The following PTPRK variants were observed in gnomAD, a reference collection of about 807,000 sequenced individuals.
PTPRK encodes protein tyrosine phosphatase receptor type K.
In PTPRK, 75 loss-of-function variants were observed where a neutral mutation model predicts 178.0. The ratio of observed to expected loss-of-function variants is 0.42; its 90% CI spans 0.35 to 0.51. The LOEUF is 0.51. Among genes scored for constraint, PTPRK ranks in the 20% least tolerant of loss-of-function variants. The pLI is 0.02. For synonymous variants in PTPRK, 637 were observed against 620.6 expected (o/e 1.03, Z -0.39); for missense variants, 1,441 against 1,797.8 (o/e 0.80, Z 3.59).
chr6:128,286,815 T>A (rs1822581085), intron 3 of PTPRK, among the ~76,000 whole-genome samples: 2 of 152,218 alleles, frequency 1.3e-5, no homozygotes. Flanking sequence ...TTTGTTAGTG[T>A]AGCCTTCAGA....
At chr6:128,085,364 G>T (rs1190855521) in intron 8 of PTPRK, 1 of 152,236 alleles carries the variant, frequency 6.6e-6, no homozygotes, top group Non-Finnish European at 1.5e-5. Flanking sequence ...GGTTTGTCTT[G>T]CAAGAGTACC....
chr6:128,393,089 CTTTTTTTT>C (rs755172831), intron 2 of PTPRK, among the ~76,000 whole-genome samples: 4 of 124,898 alleles, frequency 3.2e-5, no homozygotes, highest in South Asian at 2.6e-4. Context: ...TTCATAAGGA[CTTTTTTTT>C]TTTTTTTTTT....
chr6:128,101,675 C>T (rs1265490552), intron 7 of PTPRK, among the ~76,000 whole-genome samples: 1 of 152,074 alleles, frequency 6.6e-6, no homozygotes, highest in African/African-American at 2.4e-5. Context: ...GAACAAAATA[C>T]AGTAAAATGC....
chr6:128,196,634 G>T (rs1032260651), intron 6 of PTPRK, among the ~76,000 whole-genome samples: 1 of 152,082 alleles, frequency 6.6e-6, no homozygotes, highest in African/African-American at 2.4e-5. Context: ...CACAGCAAGA[G>T]AAATTTCCAG....
At chr6:128,131,734 ATCTC>A (rs967987128) in intron 7 of PTPRK, among the ~76,000 whole-genome samples, 11 of 152,290 alleles carry the variant, frequency 7.2e-5, no homozygotes, top group African/African-American at 2.6e-4. Flanking sequence ...CCAAACCACC[ATCTC>A]TCTGTTTATA....
intron 1 of PTPRK, among the ~76,000 whole-genome samples, chr6:128,492,384 A>G (rs895052104): frequency 1.3e-5 from 2 of 152,188 alleles, no homozygotes; most frequent in African/African-American, 4.8e-5. Flanking sequence ...ATACTGTTAC[A>G]TTGTACATAT....
chr6:127,997,996 C>T (rs1385222643), intron 16 of PTPRK, among the ~76,000 whole-genome samples: 2 of 152,040 alleles, frequency 1.3e-5, no homozygotes, highest in Non-Finnish European at 2.9e-5. Context: ...TCCTTCCATG[C>T]CCCAGATTGG....
At chr6:127,976,805 G>GAA in intron 26 of PTPRK, 23 bp from the exon 27 acceptor site, 9 of 1,297,508 alleles carry the variant, frequency 6.9e-6, no homozygotes, top group Admixed American at 4.3e-5. Flanking sequence ...CGTTTTGAAA[G>GAA]AAAAAAAAAA....
rs553969831 is a variant in PTPRK at position 128,333,168 on chromosome 6, G to A, written c.224-10858C>T. 5.3e-5 allele frequency among the ~76,000 whole-genome samples: 8 copies of A among 152,266 alleles called. No homozygotes were observed. The East Asian group carries it at 9.6e-4, about 18-fold the overall frequency. On this transcript the variant is annotated intron_variant, in intron 2 of 29. Coordinates refer to ENST00000368226, the MANE Select transcript of PTPRK (RefSeq NM_002844.4). ...CCAAGATTGAAATGAACAATTAAAG[G>A]TAAGAGAAGGTAGTGTGGCCTGTAT...
intron 25 of PTPRK, among the ~76,000 whole-genome samples, chr6:127,980,563 C>A (rs1013752324): frequency 3.3e-5 from 5 of 151,794 alleles, no homozygotes; most frequent in South Asian, 2.1e-4. Flanking sequence ...CTATATAACA[C>A]CCTGCAATTT....
In PTPRK at chr6:128,519,070, C is replaced by T. The variant is rs1240002736; in HGVS notation, c.100+1189G>A. On this transcript the variant is annotated intron_variant, in intron 1 of 29. Coordinates refer to ENST00000368226, the MANE Select transcript of PTPRK (RefSeq NM_002844.4). The surrounding 1 kb of genome is among the most constrained non-coding windows in gnomAD (Gnocchi z 4.3). ...TCGCTTTTCCCGTCTTCTCCATCAC[C>T]CTCTGGCCACCACTGCGTCTCCATC... The T allele has an allele frequency of 3.8e-6, 2 of 532,576 alleles. No individual in the cohort carries two copies. The highest frequency in any genetic ancestry group is 1.9e-5 in the Admixed American group (1 of 51,532). 33.0% of individuals were successfully genotyped at this position (532,576 alleles called of 1,614,324 possible).
At chr6:128,334,572 T>C (rs1830663329) in intron 2 of PTPRK, among the ~76,000 whole-genome samples, 1 of 152,142 alleles carries the variant, frequency 6.6e-6, no homozygotes, top group East Asian at 1.9e-4. Flanking sequence ...TAATGATCAA[T>C]TAGAGAAGAA....
chr6:128,242,226 CA>C (rs1814598070), intron 4 of PTPRK, among the ~76,000 whole-genome samples: 3 of 151,736 alleles, frequency 2.0e-5, no homozygotes, highest in Admixed American at 2.0e-4. Context: ...TTAATGATGC[CA>C]AAAAAATGAA....
At chr6:128,251,424 T>C (rs962847393) in intron 3 of PTPRK, among the ~76,000 whole-genome samples, 1 of 152,158 alleles carries the variant, frequency 6.6e-6, no homozygotes, top group Non-Finnish European at 1.5e-5. Flanking sequence ...CCTTAGCACT[T>C]CCATGACTCA....
chr6:128,147,530 AT>A lies in PTPRK; in HGVS notation c.1162+36901del, dbSNP rs1796665190. The stretch of plus-strand genomic sequence containing the variant: ...CTTAAAATTGTAAAATAGAAAAAAA[AT>A]CATTAAAAATAAGAATCAAACCATA... On this transcript the variant is annotated intron_variant, in intron 7 of 29. Transcript: ENST00000368226. 2.6e-5 allele frequency among the ~76,000 whole-genome samples: 4 copies of A among 152,294 alleles called. No homozygotes were observed. The South Asian group carries it at 8.3e-4, about 32-fold the overall frequency.
Position 128,009,238 on chromosome 6 carries a change from G to C in PTPRK, c.2225C>G (p.Pro742Arg). 2 of 1,608,174 alleles carry C rather than the reference G, an allele frequency of 1.2e-6. No individual in the cohort carries two copies. The highest frequency in any genetic ancestry group is 1.7e-6 in the Non-Finnish European group (2 of 1,176,704). The change falls in exon 14 of 30, where the codon CCA (proline) becomes CGA (arginine). Residue 742 changes from proline (P) to arginine (R), a missense_variant. By Grantham distance (103) the Pro-to-Arg change is moderately radical. Around this residue, in one of 4 missense-constraint regions of PTPRK, gnomAD observed 945 missense variants for 1,080.6 expected, o/e 0.87. Transcript: ENST00000368226. ...AAATEEPEVIPDPAKQTDRVV... is the reference protein window; with the variant it reads ...AAATEEPEVIRDPAKQTDRVV... Reference sequence around the variant, plus strand: ...TCTGTCTGTCTGCTTGGCGGGATCTGGGATCACTTCTGGTTCTTCTGTTGC... The same window carrying C: ...TCTGTCTGTCTGCTTGGCGGGATCTCGGATCACTTCTGGTTCTTCTGTTGC...
chr6:128,081,616 T>A (rs1479624833), intron 10 of PTPRK, among the ~76,000 whole-genome samples: 1 of 151,940 alleles, frequency 6.6e-6, no homozygotes, highest in Non-Finnish European at 1.5e-5. Context: ...ATTAACAAAG[T>A]CAAAATTTGT....
chr6:128,410,146 A>G (rs1197681406), intron 1 of PTPRK, among the ~76,000 whole-genome samples: 3 of 152,212 alleles, frequency 2.0e-5, no homozygotes, highest in Non-Finnish European at 2.9e-5. Flanking sequence ...CATGAAAATC[A>G]TGGTATAGAG....
rs77108171 is a variant in PTPRK, at chr6:128,256,340, G to A, written c.496-13738C>T. Among the ~76,000 whole-genome samples, 21 of 152,228 alleles carry A rather than the reference G, an allele frequency of 1.4e-4. No individual in the cohort carries two copies. In the East Asian group the frequency reaches 3.9e-3, roughly 28 times the overall value. On this transcript the variant is annotated intron_variant, in intron 3 of 29. Transcript: ENST00000368226. Reference sequence around the variant, plus strand: ...ACACTATTCTAGCCGCTAGGGATACGAAGATGGATAAAAGGCAGAGCCACA... The same window carrying A: ...ACACTATTCTAGCCGCTAGGGATACAAAGATGGATAAAAGGCAGAGCCACA...
Sources: allele counts gnomAD v4.1 joint callset (sites outside exome capture counted in the v4.1 genomes callset), GRCh38; gene constraint gnomAD v4.1.1; regional missense constraint gnomAD v4.1.1; non-coding constraint Gnocchi (gnomAD v3.1); transcripts MANE v1.5; gene names NCBI Gene and HGNC (gene_info 2026-07-23, HGNC 2026-07-21).